The following LSAMP variants were observed in gnomAD, a reference collection of about 807,000 sequenced individuals.
LSAMP encodes the protein limbic system-associated membrane protein.
In LSAMP, 7 loss-of-function variants were observed where a neutral mutation model predicts 38.6. That is an observed-to-expected ratio of 0.18 (90% CI 0.10 to 0.34). The LOEUF is 0.34. Ranked by LOEUF, LSAMP falls within the 10% of genes least tolerant of loss-of-function variation. The pLI is 1.00. For missense variants in LSAMP, 313 were observed against 420.0 expected, an observed-to-expected ratio of 0.75 and a Z score of 2.23; for synonymous variants, 154 against 166.8, an observed-to-expected ratio of 0.92 and a Z score of 0.59.
chr3:116,073,280 C>T (rs1354136438), intron 2 of LSAMP, among the ~76,000 whole-genome samples: 4 of 152,066 alleles, frequency 2.6e-5, no homozygotes, highest in African/African-American at 9.7e-5. Context: ...TGTTTTTGTA[C>T]CATTACCGTG....
At chr3:116,205,952 T>G in intron 1 of LSAMP, among the ~76,000 whole-genome samples, 1 of 149,798 alleles carries the variant, frequency 6.7e-6, no homozygotes, top group East Asian at 2.0e-4. Flanking sequence ...CTTTTTCTAT[T>G]GATTGGAATA....
intron 1 of LSAMP, among the ~76,000 whole-genome samples, chr3:116,257,800 C>T (rs913284051): frequency 2.0e-5 from 3 of 152,094 alleles, no homozygotes; most frequent in Non-Finnish European, 4.4e-5. Flanking sequence ...ATATAAATAC[C>T]AGTTAAATCA....
chr3:116,277,105 C>T (rs1207608050), intron 1 of LSAMP, among the ~76,000 whole-genome samples: 1 of 152,102 alleles, frequency 6.6e-6, no homozygotes, highest in African/African-American at 2.4e-5. Flanking sequence ...CATCAAACAC[C>T]ATAAAATAGA....
intron 3 of LSAMP, among the ~76,000 whole-genome samples, chr3:115,980,663 T>C (rs985066199): frequency 4.6e-5 from 7 of 152,186 alleles, no homozygotes; most frequent in Non-Finnish European, 1.0e-4. Flanking sequence ...TGTGGGTTAT[T>C]ACCTGTACTG....
At chr3:116,277,529 C>T (rs1021445986) in intron 1 of LSAMP, among the ~76,000 whole-genome samples, 45 of 152,090 alleles carry the variant, frequency 3.0e-4, no homozygotes, top group African/African-American at 1.1e-3. Flanking sequence ...ACCACCACGC[C>T]TGGCTAATTT....
intron 2 of LSAMP, among the ~76,000 whole-genome samples, chr3:116,065,903 T>G (rs1430180635): frequency 6.6e-6 from 1 of 152,244 alleles, no homozygotes; most frequent in Non-Finnish European, 1.5e-5. Context: ...TATTATTTTC[T>G]GTTTCCATTA....
chr3:116,226,855 C>T (rs2107622744), intron 1 of LSAMP, among the ~76,000 whole-genome samples: 1 of 152,350 alleles, frequency 6.6e-6, no homozygotes, highest in African/African-American at 2.4e-5. Context: ...AGTTTTCTCT[C>T]ACCCAAGCTC....
intron 2 of LSAMP, among the ~76,000 whole-genome samples, chr3:116,049,918 T>G (rs1443083837): frequency 6.6e-6 from 1 of 152,168 alleles, no homozygotes; most frequent in Non-Finnish European, 1.5e-5. Flanking sequence ...AAGCTGTCCC[T>G]TCAAAGAAAA....
chr3:115,813,312 C>T (rs777850238), intron 6 of LSAMP, among the ~76,000 whole-genome samples: 1 of 151,964 alleles, frequency 6.6e-6, no homozygotes, highest in Non-Finnish European at 1.5e-5. Flanking sequence ...AAATACTTAC[C>T]ATTGCCCATA....
At chr3:116,153,943 T>C (rs1216947756) in intron 1 of LSAMP, among the ~76,000 whole-genome samples, 2 of 152,092 alleles carry the variant, frequency 1.3e-5, no homozygotes, top group Non-Finnish European at 2.9e-5. Context: ...TCTAGTGAAC[T>C]AAGCATTCTA....
chr3:115,924,487 G>T (rs1937454574), intron 3 of LSAMP, among the ~76,000 whole-genome samples: 1 of 152,144 alleles, frequency 6.6e-6, no homozygotes, highest in Non-Finnish European at 1.5e-5. Context: ...CTTAAATATT[G>T]TCCAAATGTT....
In LSAMP at chr3:115,805,905, G is replaced by A. The variant is rs1057156449; in HGVS notation, c.*4412C>T. The A allele has an allele frequency of 8.5e-5, 13 of 152,176 alleles. No individual in the cohort carries two copies. Among genetic ancestry groups the A allele is most frequent in the African/African-American group, 2.7e-4 (11 of 41,440 alleles). The allele number at this position is 152,176 out of a possible 1,614,324, so 9.4% of individuals were successfully genotyped here. ...GAGAAGAAATATTCTAAACATTTAAGCAAGGAGGAGGCTTCCTAAACTGCA... is the reference window on the plus strand; with the variant it reads ...GAGAAGAAATATTCTAAACATTTAAACAAGGAGGAGGCTTCCTAAACTGCA... On this transcript the variant is annotated 3_prime_UTR_variant, in exon 7 of 7. Transcript: ENST00000490035.
At position 116,307,724 on chromosome 3, in the gene LSAMP, G is replaced by A. The variant is rs369063732; in HGVS notation, c.155+137153C>T. On this transcript the variant is annotated intron_variant, in intron 1 of 6. Transcript: ENST00000490035. ...GATGGGTTTCTGTACCATTAAAATA[G>A]CATTTAGAGAGAATTTTAATGACTT... 4.0e-5 allele frequency among the ~76,000 whole-genome samples: 6 copies of A among 151,876 alleles called. No homozygotes were observed. In the East Asian group the frequency reaches 7.7e-4, roughly 20 times the overall value.
intron 3 of LSAMP, among the ~76,000 whole-genome samples, chr3:115,863,069 C>T (rs375688489): frequency 1.3e-5 from 2 of 152,316 alleles, no homozygotes; most frequent in South Asian, 4.1e-4. Flanking sequence ...GTTTCAAGTG[C>T]TTGACAGGCT....
intron 1 of LSAMP, among the ~76,000 whole-genome samples, chr3:116,176,447 G>T (rs1710341147): frequency 6.6e-6 from 1 of 152,092 alleles, no homozygotes. Context: ...CCATCATGTT[G>T]CCCTGCCTCA....
At chr3:116,066,716 G>C (rs911141311) in intron 2 of LSAMP, among the ~76,000 whole-genome samples, 5 of 152,112 alleles carry the variant, frequency 3.3e-5, no homozygotes, top group Non-Finnish European at 5.9e-5. Context: ...AGCAAATAAA[G>C]GCTAAGATTC....
intron 1 of LSAMP, among the ~76,000 whole-genome samples, chr3:116,239,213 G>A (rs2046501499): frequency 6.6e-6 from 1 of 152,102 alleles, no homozygotes; most frequent in Admixed American, 6.5e-5. Context: ...GAGTAAAGGG[G>A]ATGACTTGGT....
intron 3 of LSAMP, among the ~76,000 whole-genome samples, chr3:115,917,233 C>T (rs563513977): frequency 2.6e-5 from 4 of 152,306 alleles, no homozygotes; most frequent in Non-Finnish European, 5.9e-5. Context: ...TGCTCAATAG[C>T]TTTGGGCAAT....
intron 3 of LSAMP, among the ~76,000 whole-genome samples, chr3:115,855,979 A>G (rs1403273393): frequency 6.6e-6 from 1 of 152,106 alleles, no homozygotes; most frequent in Non-Finnish European, 1.5e-5. Flanking sequence ...CCCACAATGC[A>G]TTATCTCTAC....
Sources: gnomAD v4.1 joint callset for allele counts (sites outside exome capture counted in the v4.1 genomes callset) on GRCh38, gnomAD v4.1.1 for gene constraint, MANE v1.5 for transcripts, NCBI Gene and HGNC (gene_info 2026-07-23, HGNC 2026-07-21) for gene names.